CPSF7: variants seen among roughly 807,000 people sequenced by gnomAD.
CPSF7 encodes cleavage and polyadenylation specificity factor subunit 7.
CPSF7 carries 1 observed loss-of-function variant against 44.3 expected under a neutral mutation model. The observed-to-expected ratio is 0.02, with a 90% CI of 0.01 to 0.11. CPSF7 has a LOEUF of 0.11. Among genes scored for constraint, CPSF7 ranks in the 10% least tolerant of loss-of-function variants. The pLI is 1.00. For missense variants in CPSF7, 443 were observed against 607.2 expected (o/e 0.73, Z 2.84); for synonymous variants, 202 against 222.0 (o/e 0.91, Z 0.80).
intron 7 of CPSF7, among the ~76,000 whole-genome samples, chr11:61,413,793 A>C (rs1860067312): frequency 6.6e-6 from 1 of 152,202 alleles, no homozygotes; most frequent in Non-Finnish European, 1.5e-5. Flanking sequence ...GTTAATACAA[A>C]GAAAATATGA....
chr11:61,417,969 G>A (rs1279913546), intron 5 of CPSF7, among the ~76,000 whole-genome samples: 1 of 152,196 alleles, frequency 6.6e-6, no homozygotes, highest in Non-Finnish European at 1.5e-5. Context: ...AAAAGTAGCT[G>A]AGTAGAAGTA....
At chr11:61,415,233 CT>C (rs1230651994) in intron 7 of CPSF7, among the ~76,000 whole-genome samples, 7 of 152,014 alleles carry the variant, frequency 4.6e-5, no homozygotes, top group African/African-American at 1.7e-4. Flanking sequence ...GCAAGACTCC[CT>C]CTCAAAACAA....
In CPSF7 at chr11:61,412,580, C is replaced by T. The variant is rs140243145; in HGVS notation, c.1058-643G>A. ...CTGGGATTACAGGCATGAGCCACTG[C>T]GCCCGGCCAGTGTTGTTTGTTATAT... On this transcript the variant is annotated intron_variant, in intron 7 of 9. Coordinates refer to ENST00000439958, the MANE Select transcript of CPSF7 (RefSeq NM_001142565.3). 5.3e-3 allele frequency among the ~76,000 whole-genome samples: 811 copies of T among 152,258 alleles called. 3 individuals carry two copies. Among genetic ancestry groups the T allele is most frequent in the Non-Finnish European group, 9.1e-3 (622 of 68,014 alleles).
rs542939610 is a variant in CPSF7 at position 61,422,033 on chromosome 11, G to C, written c.55-425C>G. 3.3e-5 allele frequency among the ~76,000 whole-genome samples: 5 copies of C among 152,264 alleles called. No individual in the cohort carries two copies. The South Asian group carries it at 8.3e-4, about 25-fold the overall frequency. The stretch of plus-strand genomic sequence containing the variant: ...ATCAAGTGTTACATAAAATTCACTT[G>C]TCTATTTAATAATAAATTTATTTAG... On this transcript the variant is annotated intron_variant, in intron 2 of 9. Transcript: ENST00000439958.
intron 7 of CPSF7, among the ~76,000 whole-genome samples, chr11:61,412,684 A>C (rs974697516): frequency 6.6e-6 from 1 of 152,268 alleles, no homozygotes; most frequent in African/African-American, 2.4e-5. Context: ...ATTAACAATT[A>C]AAAAAGCAGG....
chr11:61,410,764 G>C (rs1174198510), intron 9 of CPSF7, 174 bp downstream of exon 9: 1 of 583,650 alleles, frequency 1.7e-6, no homozygotes, highest in African/African-American at 1.9e-5. Context: ...GAATCTCAGG[G>C]TAAGACTCCC....
At position 61,429,945 on chromosome 11, in the gene CPSF7, G is replaced by T. The variant is rs910228797; in HGVS notation, c.-87C>A. The T allele has an allele frequency of 1.4e-6, 2 of 1,395,092 alleles. No individual in the cohort carries two copies. The highest frequency in any genetic ancestry group is 1.9e-6 in the Non-Finnish European group (2 of 1,039,172). 86.4% of individuals were successfully genotyped at this position (1,395,092 alleles called of 1,614,324 possible). On this transcript the variant is annotated 5_prime_UTR_variant, in exon 1 of 10. Transcript: ENST00000439958. ...TATGGCGGCGGCGGCGGCGAGTCCGGACTAGGCCCGAAGCGCGCGAACCGC... is the reference window on the plus strand; with the variant it reads ...TATGGCGGCGGCGGCGGCGAGTCCGTACTAGGCCCGAAGCGCGCGAACCGC...
intron 3 of CPSF7, 92 bp downstream of exon 3, chr11:61,421,298 A>G (rs1404793761): frequency 2.6e-6 from 3 of 1,155,308 alleles, no homozygotes; most frequent in South Asian, 1.3e-5. Context: ...TCAGAGCACA[A>G]AACAGTGCAA....
chr11:61,410,420 T>A (rs1294941290), intron 9 of CPSF7, among the ~76,000 whole-genome samples: 1 of 152,152 alleles, frequency 6.6e-6, no homozygotes, highest in African/African-American at 2.4e-5. Context: ...GCTTGAAAAC[T>A]AAGTGGCAAT....
rs139853695 is a variant in CPSF7 at position 61,423,652 on chromosome 11, C to T, written c.55-2044G>A. Among the ~76,000 whole-genome samples the T allele has an allele frequency of 1.1e-4, 17 of 152,272 alleles. No individual in the cohort carries two copies. In the East Asian group the frequency reaches 3.3e-3, roughly 29 times the overall value. On this transcript the variant is annotated intron_variant, in intron 2 of 9. Transcript: ENST00000439958. ...TCTTTTAAAAAGGGAATAAAGGAGG[C>T]ACCTAAGTTGGGAAACTTGTCTAGT...
At chr11:61,422,463 C>T (rs757244555) in intron 2 of CPSF7, among the ~76,000 whole-genome samples, 4 of 152,046 alleles carry the variant, frequency 2.6e-5, no homozygotes, top group Non-Finnish European at 5.9e-5. Flanking sequence ...TACAGACATG[C>T]GCAACCATGC....
At chr11:61,429,088 CT>C (rs1392470660) in intron 2 of CPSF7, 93 bp downstream of exon 2, 1 of 762,844 alleles carries the variant, frequency 1.3e-6, no homozygotes, top group Non-Finnish European at 2.3e-6. Context: ...GTGTTCAAGC[CT>C]AGGACTGGTA....
At chr11:61,419,775 A>C in intron 5 of CPSF7, 174 bp downstream of exon 5, 1 of 735,298 alleles carries the variant, frequency 1.4e-6, no homozygotes. Context: ...TTCTATATAG[A>C]CCTATTCTGA....
chr11:61,415,399 A>C (rs1444015833), intron 7 of CPSF7, among the ~76,000 whole-genome samples: 2 of 152,152 alleles, frequency 1.3e-5, no homozygotes, highest in Non-Finnish European at 2.9e-5. Flanking sequence ...TCTACAGCAA[A>C]CACCACATCG....
rs1379796303 is a variant in CPSF7, at chr11:61,419,146, C to T, written c.523+803G>A. ...CAAGCAATTCTCCTGCCTCAGTCTC[C>T]CGTGTAGCTGGGATTACAGGCATGT... On this transcript the variant is annotated intron_variant, in intron 5 of 9. Transcript: ENST00000439958. 5.3e-5 allele frequency among the ~76,000 whole-genome samples: 8 copies of T among 152,276 alleles called. No individual in the cohort carries two copies. In the South Asian group the frequency reaches 1.7e-3, roughly 32 times the overall value.
chr11:61,429,640 C>A (rs998785891), intron 1 of CPSF7: 188 of 1,190,764 alleles, frequency 1.6e-4, no homozygotes, highest in Non-Finnish European at 2.2e-4. Context: ...CCTGCCTAGC[C>A]CCCAAGGCGG....
chr11:61,415,574 T>C lies in CPSF7; in HGVS notation c.1057+92A>G, dbSNP rs1334044404. On this transcript the variant is annotated intron_variant, in intron 7 of 9. Transcript: ENST00000439958. ...CTTGATATCTACAGTACTCCAACTT[T>C]ATCTTGTTGAACTTTTGCCAGTAGA... The C allele has an allele frequency of 3.6e-6, 3 of 831,088 alleles. No homozygotes were observed. In the African/African-American group the frequency reaches 5.0e-5, roughly 14 times the overall value. 51.5% of individuals were successfully genotyped at this position (831,088 alleles called of 1,614,324 possible).
rs1859036707 is a variant in CPSF7 at position 61,403,266 on chromosome 11, G to T, written c.*1444C>A. 1 of 152,154 alleles carries T rather than the reference G, an allele frequency of 6.6e-6. No individual in the cohort carries two copies. Among genetic ancestry groups the T allele is most frequent in the Admixed American group, 6.6e-5 (1 of 15,258 alleles). 9.4% of individuals were successfully genotyped at this position (152,154 alleles called of 1,614,324 possible). Reference sequence around the variant, plus strand: ...CCAGAAGGGTCTCTAGTGACCCTATGTCTCACATGCCAAGTCTCATCTCAC... The same window carrying T: ...CCAGAAGGGTCTCTAGTGACCCTATTTCTCACATGCCAAGTCTCATCTCAC... On this transcript the variant is annotated 3_prime_UTR_variant, in exon 10 of 10. Transcript: ENST00000439958.
At chr11:61,404,868 A>G (rs942016995) in intron 9 of CPSF7, among the ~76,000 whole-genome samples, 164 bp from the exon 10 acceptor site, 25 of 152,192 alleles carry the variant, frequency 1.6e-4, no homozygotes, top group African/African-American at 4.8e-4. Flanking sequence ...GGACTGTCTG[A>G]CACTAGAAGT....
Sources: allele counts gnomAD v4.1 joint callset (sites outside exome capture counted in the v4.1 genomes callset), GRCh38; gene constraint gnomAD v4.1.1; transcripts MANE v1.5; gene names NCBI Gene and HGNC (gene_info 2026-07-23, HGNC 2026-07-21).